LAMP2: variants seen among roughly 807,000 people sequenced by gnomAD.
LAMP2 encodes the protein lysosome associated membrane protein 2.
A neutral mutation model predicts 25.6 loss-of-function variants in LAMP2; 4 were observed. That is an observed-to-expected ratio of 0.16 (90% CI 0.08 to 0.36). The LOEUF (loss-of-function observed/expected upper bound fraction) is 0.36, where lower values mean the gene tolerates loss of function less well. Ranked by LOEUF, LAMP2 falls within the 10% of genes least tolerant of loss-of-function variation. The pLI is 1.00. For missense variants in LAMP2, 272 were observed against 301.4 expected (o/e 0.90, Z 0.72); for synonymous variants, 108 against 112.7 (o/e 0.96, Z 0.27).
At chrX:120,458,327 A>T (rs1014493585) in intron 1 of LAMP2, among the ~76,000 whole-genome samples, 1 of 112,232 alleles carries the variant, frequency 8.9e-6, no homozygotes, top group African/African-American at 3.2e-5. Context: ...TTTCTTTCCA[A>T]ATATATTAGA....
chrX:120,441,638 C>G, intron 8 of LAMP2, 92 bp downstream of exon 8: 1 of 761,517 alleles, frequency 1.3e-6, no homozygotes, highest in Admixed American at 2.4e-5. Flanking sequence ...TCATATTCCT[C>G]TATTTCAACG....
At chrX:120,445,486 T>C (rs1241608870) in intron 6 of LAMP2, among the ~76,000 whole-genome samples, 1 of 112,586 alleles carries the variant, frequency 8.9e-6, no homozygotes, top group East Asian at 2.8e-4. Context: ...AGTAATCTGA[T>C]TTAAAAACAG....
chrX:120,463,251 T>C (rs1921393714), intron 1 of LAMP2, among the ~76,000 whole-genome samples: 1 of 112,148 alleles, frequency 8.9e-6, no homozygotes, highest in African/African-American at 3.2e-5. Flanking sequence ...TTTTGGTAAG[T>C]TTCTTAAAGG....
At chrX:120,434,053 A>G in intron 8 of LAMP2, among the ~76,000 whole-genome samples, 1 of 112,146 alleles carries the variant, frequency 8.9e-6, no homozygotes, top group African/African-American at 3.2e-5. Flanking sequence ...CTGTGAATAG[A>G]TGGTGTTAAG....
Position 120,430,564 on chromosome X carries a change from C to G in LAMP2, c.*759G>C. 1.3e-6 allele frequency: 1 copy of G among 753,491 alleles called. No individual in the cohort carries two copies. The highest frequency in any genetic ancestry group is 8.5e-5 in the Admixed American group (1 of 11,705). The allele number at this position is 753,491 out of a possible 1,213,427, so 62.1% of individuals were successfully genotyped here. On this transcript the variant is annotated 3_prime_UTR_variant, in exon 9 of 9. Transcript: ENST00000200639. Reference sequence around the variant, plus strand: ...AAGAACAAAACAAGAAACAAAAAAGCAAGTGGCTAAATATGCTTGGATCTT... The same window carrying G: ...AAGAACAAAACAAGAAACAAAAAAGGAAGTGGCTAAATATGCTTGGATCTT...
chrX:120,430,926 A>C lies in LAMP2; in HGVS notation c.*397T>G, dbSNP rs2058520327. On this transcript the variant is annotated 3_prime_UTR_variant, in exon 9 of 9. Coordinates refer to ENST00000200639, the MANE Select transcript of LAMP2 (RefSeq NM_002294.3). Reference sequence around the variant, plus strand: ...AAATCACTATAGTCCTTATACATTGAAACAGAACACCAGTAGTGAAATGAC... The same window carrying C: ...AAATCACTATAGTCCTTATACATTGCAACAGAACACCAGTAGTGAAATGAC... 1 of 810,943 alleles carries C rather than the reference A, an allele frequency of 1.2e-6. No homozygotes were observed. The highest frequency in any genetic ancestry group is 2.2e-5 in the African/African-American group (1 of 45,395). The allele number at this position is 810,943 out of a possible 1,213,427, so 66.8% of individuals were successfully genotyped here.
At position 120,437,976 on chromosome X, in the gene LAMP2, C is replaced by T. The variant is rs779174556; in HGVS notation, c.1093+3754G>A. 404 of 242,581 alleles carry T rather than the reference C, an allele frequency of 1.7e-3. 3 individuals are homozygous for T. Among genetic ancestry groups the T allele is most frequent in the African/African-American group, 0.011 (380 of 33,299 alleles). 20.0% of individuals were successfully genotyped at this position (242,581 alleles called of 1,213,427 possible). A position where few individuals can be genotyped will look rare whatever the true frequency, so the allele number is the denominator to read the frequency against. Reference sequence around the variant, plus strand: ...GTTCAAGTGATTCTCCTGCCTCAGCCTCCCGAGTAACTGGGATTACAGGCG... The same window carrying T: ...GTTCAAGTGATTCTCCTGCCTCAGCTTCCCGAGTAACTGGGATTACAGGCG... On this transcript the variant is annotated intron_variant, in intron 8 of 8. Transcript: ENST00000200639.
intron 3 of LAMP2, among the ~76,000 whole-genome samples, chrX:120,453,441 T>C (rs1382913893): frequency 8.9e-6 from 1 of 112,119 alleles, no homozygotes; most frequent in Non-Finnish European, 1.9e-5. Context: ...TGCAAAGAGC[T>C]AAGCTACTAC....
intron 3 of LAMP2, among the ~76,000 whole-genome samples, chrX:120,449,926 A>G (rs1247057466): frequency 9.0e-6 from 1 of 111,596 alleles, no homozygotes; most frequent in African/African-American, 3.3e-5. Flanking sequence ...CTAAACTAAG[A>G]TGGTGTGGGG....
intron 1 of LAMP2, among the ~76,000 whole-genome samples, chrX:120,463,403 A>G (rs1921399920): frequency 8.9e-6 from 1 of 112,074 alleles, no homozygotes; most frequent in African/African-American, 3.2e-5. Context: ...ATTCAACACT[A>G]CTCAACTAAT....
chrX:120,429,166 A>G lies in LAMP2; in HGVS notation c.*2157T>C. ...TATATATGTGTGTGTGTGTACATATATATATATATACACACACACACAATT... is the reference window on the plus strand; with the variant it reads ...TATATATGTGTGTGTGTGTACATATGTATATATATACACACACACACAATT... On this transcript the variant is annotated 3_prime_UTR_variant, in exon 9 of 9. Transcript: ENST00000200639. 1.4e-6 allele frequency: 1 copy of G among 737,892 alleles called. No individual in the cohort carries two copies. Among genetic ancestry groups the G allele is most frequent in the South Asian group, 6.9e-5 (1 of 14,526 alleles). The allele number at this position is 737,892 out of a possible 1,213,427, so 60.8% of individuals were successfully genotyped here.
intron 1 of LAMP2, among the ~76,000 whole-genome samples, chrX:120,462,238 C>T (rs1190802596): frequency 9.0e-6 from 1 of 110,898 alleles, no homozygotes; most frequent in Non-Finnish European, 1.9e-5. Context: ...GAATGCAGAC[C>T]TTGACCGGGC....
At chrX:120,467,615 G>T (rs968921729) in intron 1 of LAMP2, among the ~76,000 whole-genome samples, 2 of 111,724 alleles carry the variant, frequency 1.8e-5, no homozygotes, top group Non-Finnish European at 3.8e-5. Flanking sequence ...AGAGCAGGTG[G>T]GTAGCAACAA....
intron 3 of LAMP2, among the ~76,000 whole-genome samples, chrX:120,450,602 T>G (rs1242923387): frequency 2.7e-5 from 3 of 111,601 alleles, no homozygotes; most frequent in African/African-American, 9.8e-5. Flanking sequence ...CACGTACTTA[T>G]ATAGTAAAAG....
rs1478628085 is a variant in LAMP2 at position 120,455,541 on chromosome X, A to G, written c.213T>C (p.Thr71=). 1 of 1,209,098 alleles carries G rather than the reference A, an allele frequency of 8.3e-7. No individual in the cohort carries two copies. Among genetic ancestry groups the G allele is most frequent in the South Asian group, 1.8e-5 (1 of 56,920 alleles). ...CACAAATGCTTCCATTATATGTCAC[A>G]GTGCCATGGTCTGAAATGGTTACAG... ...YKTVTISDHG[T]VTYNGSICGD... is the part of the protein sequence containing the mutation. The change falls in exon 3 of 9, where the codon ACT becomes ACC. Residue 71 remains threonine (T), a synonymous_variant. Transcript: ENST00000200639.
chrX:120,428,952 T>G lies in LAMP2; in HGVS notation c.*2371A>C. 2.7e-6 allele frequency: 2 copies of G among 734,480 alleles called. No homozygotes were observed. Among genetic ancestry groups the G allele is most frequent in the Non-Finnish European group, 1.6e-6 (1 of 622,103 alleles). The allele number at this position is 734,480 out of a possible 1,213,427, so 60.5% of individuals were successfully genotyped here. A position where few individuals can be genotyped will look rare whatever the true frequency, so the allele number is the denominator to read the frequency against. On this transcript the variant is annotated 3_prime_UTR_variant, in exon 9 of 9. Transcript: ENST00000200639. ...ATCATCTACACTTAAAACCACTGCC[T>G]GTGTATTTCCCTACTCTCTTTCTCT...
chrX:120,449,176 A>G (rs887021144), intron 3 of LAMP2, 48 bp from the exon 4 acceptor site: 2 of 988,879 alleles, frequency 2.0e-6, no homozygotes, highest in Non-Finnish European at 2.9e-6. Flanking sequence ...GTAGGAGAAA[A>G]GTGATAATAT....
chrX:120,455,434 G>A lies in LAMP2; in HGVS notation c.320C>T (p.Ser107Phe). 1 of 1,210,574 alleles carries A rather than the reference G, an allele frequency of 8.3e-7. No individual in the cohort carries two copies. Among genetic ancestry groups the A allele is most frequent in the Admixed American group, 2.2e-5 (1 of 45,948 alleles). The change falls in exon 3 of 9, where the codon TCT becomes TTT. Residue 107 changes from serine to phenylalanine, a missense_variant. Transcript: ENST00000200639. The stretch of plus-strand genomic sequence containing the variant: ...TGAGACGCTGTCAATTGAATAAGTA[G>A]ATGCTGCCTTGGTAAAATTCGCAAT... ...SWIANFTKAA[S>F]TYSIDSVSFS...
chrX:120,469,061 C>T, intron 1 of LAMP2, 45 bp downstream of exon 1: 1 of 1,171,584 alleles, frequency 8.5e-7, no homozygotes. Context: ...AACTGGTGCC[C>T]CGGGCCCAGG....
Sources: allele counts gnomAD v4.1 joint callset (sites outside exome capture counted in the v4.1 genomes callset), GRCh38; gene constraint gnomAD v4.1.1; transcripts MANE v1.5; gene names NCBI Gene and HGNC (gene_info 2026-07-23, HGNC 2026-07-21).